Variants in EML2 observed in about 807,000 individuals in gnomAD.
EML2 encodes the protein EMAP like 2, also known as echinoderm microtubule-associated protein-like 2.
In EML2, 59 loss-of-function variants were observed where a neutral mutation model predicts 84.7. The ratio of observed to expected loss-of-function variants is 0.70; its 90% CI spans 0.56 to 0.86. The LOEUF (loss-of-function observed/expected upper bound fraction) is 0.86. EML2 is among the 40% of genes least tolerant of loss of function. EML2 has a pLI of 0.00. For missense variants in EML2, 818 were observed against 855.6 expected, an observed-to-expected ratio of 0.96 and a Z score of 0.55; for synonymous variants, 352 against 348.9, an observed-to-expected ratio of 1.01 and a Z score of -0.10.
intron 6 of EML2, chr19:45,632,498 A>T (rs58207261): frequency 0.14 from 25,364 of 182,756 alleles, 1,992 homozygotes; most frequent in African/African-American, 0.21. Context: ...TTTTTTTTTA[A>T]AAAAAAGCCC....
At chr19:45,645,363 C>T (rs1217890438), upstream of EML2, 2 of 1,520,134 alleles carry the variant, frequency 1.3e-6, no homozygotes, top group African/African-American at 1.4e-5. Context: ...CCACCGCCGG[C>T]CCCCCCGGTC....
intron 8 of EML2, among the ~76,000 whole-genome samples, chr19:45,625,888 GT>G (rs1300189668): frequency 1.3e-5 from 2 of 151,284 alleles, no homozygotes; most frequent in Non-Finnish European, 2.9e-5. Flanking sequence ...TTTTGTTTTT[GT>G]TTTTTTTGAG....
chr19:45,639,336 T>G (rs1448565176), intron 1 of EML2, 21 bp downstream of exon 1: 1 of 1,336,400 alleles, frequency 7.5e-7, no homozygotes, highest in Non-Finnish European at 9.6e-7. Context: ...AGATGGGGGG[T>G]GGTCTGCGAA....
chr19:45,638,549 G>A lies in EML2; in HGVS notation c.135C>T (p.Asp45=). ...GGCAAGAAGGCAGCTCCGAGCGTGT[G>A]TCCAGGCTGTAGGTGGGTGCCAGCT... ...PDELAPTYSL[D]TRSELPSCRL... is the part of the protein sequence containing the mutation. The change falls in exon 3 of 19, where the codon GAC becomes GAT. Residue 45 remains aspartate, a synonymous_variant. Coordinates refer to ENST00000245925, the MANE Select transcript of EML2 (RefSeq NM_012155.4). The A allele has an allele frequency of 6.2e-7, 1 of 1,614,112 alleles. No individual in the cohort carries two copies. The highest frequency in any genetic ancestry group is 8.5e-7 in the Non-Finnish European group (1 of 1,180,036).
intron 18 of EML2, among the ~76,000 whole-genome samples, chr19:45,610,712 C>T (rs763058835): frequency 1.1e-4 from 16 of 151,884 alleles, no homozygotes; most frequent in African/African-American, 1.7e-4. Flanking sequence ...TGGTGGCACA[C>T]GCCTGTAGTC....
Position 45,618,957 on chromosome 19 carries a change from A to G in EML2, c.1254+103T>C. 3 of 1,323,598 alleles carry G rather than the reference A, an allele frequency of 2.3e-6. 1 individual carries two copies. Among genetic ancestry groups the G allele is most frequent in the Middle Eastern group, 4.5e-4 (2 of 4,476 alleles). The allele number at this position is 1,323,598 out of a possible 1,614,324, so 82.0% of individuals were successfully genotyped here. On this transcript the variant is annotated intron_variant, in intron 12 of 18. Transcript: ENST00000245925. ...GCGAGACTCCACCTCGAAGAAAAAA[A>G]AAAAAAGACCTTGTTTGGTTTCAGT...
At chr19:45,610,563 C>A (rs1012991092) in intron 18 of EML2, among the ~76,000 whole-genome samples, 1 of 151,796 alleles carries the variant, frequency 6.6e-6, no homozygotes, top group Admixed American at 6.6e-5. Context: ...TTAGGCCTGG[C>A]GTGGTGGCTC....
chr19:45,645,212 G>A, upstream of EML2: 1 of 1,492,732 alleles, frequency 6.7e-7, no homozygotes, highest in Non-Finnish European at 8.9e-7. Context: ...GGAGGCTGGG[G>A]CAAGAAGAGA....
intron 6 of EML2, chr19:45,632,614 G>T: frequency 2.0e-6 from 1 of 493,986 alleles, no homozygotes; most frequent in East Asian, 3.6e-5. Context: ...GCCAAAACCC[G>T]CCTGCAAATG....
upstream of EML2, chr19:45,641,441 A>G: frequency 1.7e-6 from 1 of 587,404 alleles, no homozygotes; most frequent in South Asian, 2.0e-5. Flanking sequence ...ACGCCCCTCA[A>G]TATTGACTCC....
chr19:45,639,130 G>A (rs1183448071), intron 1 of EML2: 4 of 667,304 alleles, frequency 6.0e-6, no homozygotes, highest in Middle Eastern at 3.5e-4. Flanking sequence ...CTGGAAGAAG[G>A]GAGTCACCAA....
rs769393045 is a variant in EML2, at chr19:45,638,901, A to G, written c.21-28T>C. The G allele has an allele frequency of 1.2e-5, 20 of 1,613,348 alleles. No individual in the cohort carries two copies. The South Asian group carries it at 2.1e-4, about 17-fold the overall frequency. ...GTCAGGAAAGGACAAAGAAAAAAAA[A>G]GGGTCTTAGTATTCAGTTCAGAAAA... On this transcript the variant is annotated intron_variant, in intron 1 of 18. Transcript: ENST00000245925.
At position 45,616,548 on chromosome 19, in the gene EML2, G is replaced by A. The variant is rs1409554810; in HGVS notation, c.1422C>T (p.Tyr474=). 3.7e-6 allele frequency: 6 copies of A among 1,610,594 alleles called. No individual in the cohort carries two copies. The South Asian group carries it at 4.4e-5, about 12-fold the overall frequency. The change falls in exon 15 of 19, where the codon TAC becomes TAT. Residue 474 remains tyrosine (Y), a synonymous_variant. Transcript: ENST00000245925. ...SVVSFSPDGA[Y]LAVGSHDNLV... ...AGTTGTCGTGGGAGCCCACGGCCAG[G>A]TACGCCCCGTCTGGGGGAGGGGGAG...
In EML2 at chr19:45,638,756, C is replaced by T. The variant is rs1974079877; in HGVS notation, c.49+89G>A. Reference sequence around the variant, plus strand: ...GAAACTGAGGCCAGAGAGGCAAAGACCCAGTAGCCAAGACTCCTGACCTCT... The same window carrying T: ...GAAACTGAGGCCAGAGAGGCAAAGATCCAGTAGCCAAGACTCCTGACCTCT... On this transcript the variant is annotated intron_variant, in intron 2 of 18. Transcript: ENST00000245925. 2.6e-5 allele frequency: 42 copies of T among 1,593,530 alleles called. No homozygotes were observed. The East Asian group carries it at 8.1e-4, about 31-fold the overall frequency.
chr19:45,642,575 C>G, upstream of EML2: 2 of 1,330,544 alleles, frequency 1.5e-6, no homozygotes, highest in Non-Finnish European at 1.9e-6. Context: ...TCTGCCACAG[C>G]GCGCTGGCCG....
chr19:45,632,299 T>C (rs1219768794), intron 6 of EML2, among the ~76,000 whole-genome samples: 2 of 151,820 alleles, frequency 1.3e-5, no homozygotes, highest in African/African-American at 4.8e-5. Flanking sequence ...GCGATTCTCC[T>C]GCCTCAGCCT....
At chr19:45,634,646 C>T (rs938543809) in intron 3 of EML2, 175 bp from the exon 4 acceptor site, 10 of 291,868 alleles carry the variant, frequency 3.4e-5, no homozygotes, top group African/African-American at 1.8e-4. Flanking sequence ...ACTGCAAGCT[C>T]CGCCTCCTGG....
chr19:45,614,444 C>G lies in EML2; in HGVS notation c.1693+161G>C, dbSNP rs1000888158. Among the ~76,000 whole-genome samples the G allele has an allele frequency of 2.0e-5, 3 of 152,184 alleles. No individual in the cohort carries two copies. The East Asian group carries it at 5.8e-4, about 29-fold the overall frequency. ...TCATTTTATTACAGCTCTAATGAGT[C>G]ATCTCACCCTACCCTTTCCTCTTAC... On this transcript the variant is annotated intron_variant, in intron 17 of 18. Coordinates refer to ENST00000245925, the MANE Select transcript of EML2 (RefSeq NM_012155.4).
At chr19:45,623,999 G>A (rs1007224274) in intron 9 of EML2, among the ~76,000 whole-genome samples, 12 of 152,312 alleles carry the variant, frequency 7.9e-5, no homozygotes, top group African/African-American at 2.9e-4. Context: ...CCATTAGTTT[G>A]TTAATAAAGT....
Sources: allele counts gnomAD v4.1 joint callset (sites outside exome capture counted in the v4.1 genomes callset), GRCh38; gene constraint gnomAD v4.1.1; transcripts MANE v1.5; gene names NCBI Gene and HGNC (gene_info 2026-07-23, HGNC 2026-07-21).